The following LHFPL3 variants were observed in gnomAD, a reference collection of about 807,000 sequenced individuals.
The protein encoded by LHFPL3 is LHFPL tetraspan subfamily member 3 protein.
Under a neutral mutation model 19.3 loss-of-function variants are expected in LHFPL3, and 5 were observed. The ratio of observed to expected loss-of-function variants is 0.26; its 90% confidence interval spans 0.14 to 0.54. The LOEUF (loss-of-function observed/expected upper bound fraction) is 0.54, where lower values mean the gene tolerates loss of function less well. Ranked by LOEUF, LHFPL3 falls within the 20% of genes least tolerant of loss-of-function variation. The pLI is 0.94. For synonymous variants in LHFPL3, 133 were observed against 126.2 expected (o/e 1.05, Z -0.36); for missense variants, 249 against 307.4 (o/e 0.81, Z 1.42).
chr7:104,607,354 A>C (rs1284688358), intron 1 of LHFPL3, among the ~76,000 whole-genome samples: 1 of 152,232 alleles, frequency 6.6e-6, no homozygotes, highest in East Asian at 1.9e-4. Context: ...AGAGGACTGC[A>C]CAAGTGTGCA....
chr7:104,708,503 A>T (rs1279715307), intron 1 of LHFPL3, among the ~76,000 whole-genome samples: 2 of 152,142 alleles, frequency 1.3e-5, no homozygotes, highest in African/African-American at 2.4e-5. Context: ...TTATTAACTT[A>T]AAAAAATCCC....
intron 1 of LHFPL3, among the ~76,000 whole-genome samples, chr7:104,636,813 C>T (rs1435407074): frequency 6.6e-6 from 1 of 152,144 alleles, no homozygotes; most frequent in Non-Finnish European, 1.5e-5. Context: ...GATTCCATGT[C>T]TTTGCTATTG....
At chr7:104,852,035 C>T (rs1247135645) in intron 2 of LHFPL3, among the ~76,000 whole-genome samples, 1 of 151,986 alleles carries the variant, frequency 6.6e-6, no homozygotes, top group African/African-American at 2.4e-5. Flanking sequence ...CTTCCACCAA[C>T]TTTTTTCCCT....
intron 1 of LHFPL3, among the ~76,000 whole-genome samples, chr7:104,699,837 T>G (rs1793068241): frequency 6.6e-6 from 1 of 152,198 alleles, no homozygotes; most frequent in Admixed American, 6.5e-5. Context: ...TGGGGTACTT[T>G]GACCTCAGGA....
chr7:104,373,155 T>C (rs1790646296), intron 1 of LHFPL3, among the ~76,000 whole-genome samples: 2 of 152,228 alleles, frequency 1.3e-5, no homozygotes, highest in South Asian at 4.1e-4. Flanking sequence ...CATATTTATT[T>C]GACTATTAAG....
intron 2 of LHFPL3, among the ~76,000 whole-genome samples, chr7:104,830,975 A>T (rs1790942199): frequency 6.6e-6 from 1 of 151,758 alleles, no homozygotes; most frequent in African/African-American, 2.4e-5. Flanking sequence ...TGTTAATAAC[A>T]CCCCCTTTCA....
rs192629122 is a variant in LHFPL3, at chr7:104,499,695, C to T, written c.445+170471C>T. ...TAAGATGAATTAGCTCAATCTGTTACGTTAATTTCTTTTTATTGGGACGCT... is the reference window on the plus strand; with the variant it reads ...TAAGATGAATTAGCTCAATCTGTTATGTTAATTTCTTTTTATTGGGACGCT... On this transcript the variant is annotated intron_variant, in intron 1 of 2. Coordinates refer to ENST00000424859, the MANE Select transcript of LHFPL3 (RefSeq NM_199000.3). 1.4e-3 allele frequency among the ~76,000 whole-genome samples: 208 copies of T among 152,264 alleles called. 1 individual carries two copies. Among genetic ancestry groups the T allele is most frequent in the Non-Finnish European group, 6.3e-4 (43 of 68,018 alleles).
chr7:104,567,794 A>C (rs1050213937), intron 1 of LHFPL3, among the ~76,000 whole-genome samples: 1 of 152,136 alleles, frequency 6.6e-6, no homozygotes, highest in Non-Finnish European at 1.5e-5. Context: ...AGTAAAGGAA[A>C]AACCCTCAGC....
chr7:104,545,742 C>T (rs550051197), intron 1 of LHFPL3, among the ~76,000 whole-genome samples: 1 of 152,298 alleles, frequency 6.6e-6, no homozygotes, highest in South Asian at 2.1e-4. Context: ...TTCCTTTCTA[C>T]CATCCTTCAA....
chr7:104,800,654 G>A (rs937561968), intron 2 of LHFPL3, among the ~76,000 whole-genome samples: 3 of 152,000 alleles, frequency 2.0e-5, no homozygotes, highest in Middle Eastern at 3.2e-3. Context: ...CCACCCAAAC[G>A]TTTGCCACCT....
chr7:104,334,936 T>A (rs1262218310), intron 1 of LHFPL3, among the ~76,000 whole-genome samples: 1 of 152,154 alleles, frequency 6.6e-6, no homozygotes, highest in African/African-American at 2.4e-5. Flanking sequence ...TTTCCTTATG[T>A]ACCTTCAGGA....
intron 1 of LHFPL3, among the ~76,000 whole-genome samples, chr7:104,607,720 A>G (rs1791130184): frequency 6.6e-6 from 1 of 152,090 alleles, no homozygotes; most frequent in South Asian, 2.1e-4. Flanking sequence ...AACCTACAAA[A>G]TGGGAGAAAA....
intron 2 of LHFPL3, among the ~76,000 whole-genome samples, chr7:104,878,492 A>T (rs1268001214): frequency 2.0e-5 from 3 of 152,164 alleles, no homozygotes; most frequent in Non-Finnish European, 2.9e-5. Flanking sequence ...AACCGCACCC[A>T]TATAAGATGG....
chr7:104,522,561 T>G (rs1794091780), intron 1 of LHFPL3, among the ~76,000 whole-genome samples: 1 of 151,896 alleles, frequency 6.6e-6, no homozygotes, highest in Non-Finnish European at 1.5e-5. Flanking sequence ...TAAAGAAAAT[T>G]AGTGAGTGCT....
intron 1 of LHFPL3, among the ~76,000 whole-genome samples, chr7:104,344,636 T>C (rs1038536618): frequency 6.6e-6 from 1 of 152,240 alleles, no homozygotes; most frequent in Non-Finnish European, 1.5e-5. Flanking sequence ...GCTGTATGTA[T>C]ATATGCCACA....
intron 2 of LHFPL3, among the ~76,000 whole-genome samples, chr7:104,867,178 A>G (rs1791741753): frequency 6.6e-6 from 1 of 152,236 alleles, no homozygotes; most frequent in South Asian, 2.1e-4. Context: ...TAGAGAAGCA[A>G]GAGCAAGCAC....
intron 1 of LHFPL3, among the ~76,000 whole-genome samples, chr7:104,404,691 G>A (rs1034952395): frequency 1.3e-5 from 2 of 152,118 alleles, no homozygotes; most frequent in African/African-American, 4.8e-5. Context: ...AGCCCTTTTA[G>A]GAGGTAGAAT....
chr7:104,432,921 A>G (rs972022201), intron 1 of LHFPL3, among the ~76,000 whole-genome samples: 2 of 152,034 alleles, frequency 1.3e-5, no homozygotes, highest in Non-Finnish European at 2.9e-5. Context: ...TGACCCTACT[A>G]ACTGTTCCAA....
chr7:104,590,197 G>T (rs908947058), intron 1 of LHFPL3, among the ~76,000 whole-genome samples: 1 of 152,020 alleles, frequency 6.6e-6, no homozygotes, highest in Non-Finnish European at 1.5e-5. Context: ...TCTTTCAATT[G>T]TGATGTTAGG....
Sources: allele counts gnomAD v4.1 joint callset (sites outside exome capture counted in the v4.1 genomes callset), GRCh38; gene constraint gnomAD v4.1.1; transcripts MANE v1.5; gene names NCBI Gene and HGNC (gene_info 2026-07-23, HGNC 2026-07-21).